The following TMEM245 variants were observed in gnomAD, a reference collection of about 807,000 sequenced individuals.
TMEM245 encodes the protein transmembrane protein 245.
Under a neutral mutation model 101.2 loss-of-function variants are expected in TMEM245, and 69 were observed. The ratio of observed to expected loss-of-function variants is 0.68; its 90% CI spans 0.56 to 0.83. TMEM245 has a LOEUF of 0.83. Ranked by LOEUF, TMEM245 falls within the 40% of genes least tolerant of loss-of-function variation. The pLI is 0.00. For missense variants in TMEM245, 1,075 were observed against 1,092.8 expected (o/e 0.98, Z 0.23); for synonymous variants, 537 against 449.8 (o/e 1.19, Z -2.45).
chr9:109,023,441 G>C (rs1252722742), intron 17 of TMEM245, among the ~76,000 whole-genome samples: 1 of 152,184 alleles, frequency 6.6e-6, no homozygotes. Flanking sequence ...TTCTGAAAAT[G>C]TTTAACATCC....
rs187896687 is a variant in TMEM245 at position 109,031,911 on chromosome 9, A to G, written c.2594+1396T>C. Among the ~76,000 whole-genome samples, 357 of 152,356 alleles carry G rather than the reference A, an allele frequency of 2.3e-3. 3 individuals carry two copies. Among genetic ancestry groups the G allele is most frequent in the African/African-American group, 8.2e-3 (343 of 41,590 alleles). On this transcript the variant is annotated intron_variant, in intron 17 of 17. Coordinates refer to ENST00000374586, the MANE Select transcript of TMEM245 (RefSeq NM_032012.4). Reference sequence around the variant, plus strand: ...TGTACTTACAAAATAACATGTTGCAACTCTATATTGGTGTCCCAAATAATT... The same window carrying G: ...TGTACTTACAAAATAACATGTTGCAGCTCTATATTGGTGTCCCAAATAATT...
chr9:109,108,356 T>G (rs1378598768), intron 2 of TMEM245, 97 bp downstream of exon 2: 11 of 542,418 alleles, frequency 2.0e-5, no homozygotes, highest in Non-Finnish European at 3.5e-5. Flanking sequence ...AAATGCAACA[T>G]ATGACACTAC....
At chr9:109,074,716 C>CA (rs1829443393) in intron 8 of TMEM245, among the ~76,000 whole-genome samples, 2 of 152,036 alleles carry the variant, frequency 1.3e-5, no homozygotes, top group African/African-American at 4.8e-5. Flanking sequence ...ATCACTAGGG[C>CA]AAGTCACATA....
chr9:109,025,451 G>A (rs1194800883), intron 17 of TMEM245, among the ~76,000 whole-genome samples: 2 of 152,180 alleles, frequency 1.3e-5, no homozygotes, highest in African/African-American at 4.8e-5. Context: ...TACAAAAACA[G>A]CCACAAGTTA....
chr9:109,047,492 C>T (rs547823669), intron 14 of TMEM245, among the ~76,000 whole-genome samples: 2 of 152,170 alleles, frequency 1.3e-5, no homozygotes, highest in Non-Finnish European at 2.9e-5. Flanking sequence ...CATGGTGTAA[C>T]AGAGTATGTG....
At chr9:109,081,965 A>C (rs1172305583) in intron 7 of TMEM245, among the ~76,000 whole-genome samples, 2 of 152,176 alleles carry the variant, frequency 1.3e-5, no homozygotes, top group African/African-American at 2.4e-5. Context: ...ACATTTCAAA[A>C]CTACATTTAA....
At chr9:109,059,544 T>C (rs1828944384) in intron 11 of TMEM245, among the ~76,000 whole-genome samples, 1 of 152,034 alleles carries the variant, frequency 6.6e-6, no homozygotes, top group African/African-American at 2.4e-5. Flanking sequence ...TCACCAGGCA[T>C]GGTGGCATGC....
chr9:109,055,856 A>T (rs1321159624), intron 12 of TMEM245, among the ~76,000 whole-genome samples: 1 of 151,884 alleles, frequency 6.6e-6, no homozygotes, highest in Non-Finnish European at 1.5e-5. Context: ...CTGATCTCAA[A>T]CTCCCAACCT....
intron 17 of TMEM245, among the ~76,000 whole-genome samples, chr9:109,021,089 G>A (rs568020944): frequency 6.6e-6 from 1 of 152,324 alleles, no homozygotes; most frequent in East Asian, 1.9e-4. Flanking sequence ...TTATTGGCGG[G>A]TAATATCTGG....
chr9:109,016,658 GTTTTTTTTTT>G lies in TMEM245; in HGVS notation c.*3792_*3801del, dbSNP rs60869717. The G allele has an allele frequency of 4.0e-5, 5 of 124,708 alleles. No homozygotes were observed. Among genetic ancestry groups the G allele is most frequent in the Middle Eastern group, 8.5e-3 (2 of 234 alleles). The allele number at this position is 124,708 out of a possible 1,614,324, so 7.7% of individuals were successfully genotyped here. On this transcript the variant is annotated 3_prime_UTR_variant, in exon 18 of 18. Transcript: ENST00000374586. ...AACAGTGGCTGCAGACAGCATGTGT[GTTTTTTTTTT>G]TTTTTTTTTTTGCAGGTTCCCAATA...
At chr9:109,030,345 G>A (rs1436581485) in intron 17 of TMEM245, among the ~76,000 whole-genome samples, 2 of 152,084 alleles carry the variant, frequency 1.3e-5, no homozygotes, top group East Asian at 1.9e-4. Context: ...GGGTCCTCAC[G>A]TTATCTTTTT....
intron 16 of TMEM245, among the ~76,000 whole-genome samples, chr9:109,033,752 GC>G (rs1828037782): frequency 6.6e-6 from 1 of 152,142 alleles, no homozygotes; most frequent in African/African-American, 2.4e-5. Context: ...AAAGAATAAA[GC>G]CAGCAATGTT....
intron 4 of TMEM245, among the ~76,000 whole-genome samples, chr9:109,092,518 A>T (rs989624248): frequency 6.6e-6 from 1 of 152,248 alleles, no homozygotes; most frequent in Non-Finnish European, 1.5e-5. Flanking sequence ...TGGAAACTTC[A>T]TGATGGTGGG....
chr9:109,059,731 C>T (rs1291093597), intron 11 of TMEM245, among the ~76,000 whole-genome samples: 3 of 151,710 alleles, frequency 2.0e-5, no homozygotes, highest in Non-Finnish European at 4.4e-5. Context: ...GATCTCTAAG[C>T]GTTTAGATTC....
chr9:109,093,438 C>G (rs758285023), intron 4 of TMEM245, 37 bp downstream of exon 4: 5 of 1,553,306 alleles, frequency 3.2e-6, no homozygotes, highest in Non-Finnish European at 3.5e-6. Flanking sequence ...ATTTCATTTT[C>G]CAGAATAACC....
intron 10 of TMEM245, among the ~76,000 whole-genome samples, chr9:109,062,589 T>C (rs557808881): frequency 1.2e-4 from 19 of 152,256 alleles, no homozygotes; most frequent in Non-Finnish European, 1.9e-4. Context: ...AACCAGTTAC[T>C]AGACATATTC....
intron 12 of TMEM245, 129 bp downstream of exon 12, chr9:109,057,062 T>A: frequency 9.9e-7 from 1 of 1,008,024 alleles, no homozygotes; most frequent in Non-Finnish European, 1.4e-6. Flanking sequence ...GCATTTAGAG[T>A]TCTCAAATAT....
At chr9:109,095,068 A>C (rs1290744156) in intron 3 of TMEM245, among the ~76,000 whole-genome samples, 2 of 152,134 alleles carry the variant, frequency 1.3e-5, no homozygotes, top group Non-Finnish European at 2.9e-5. Context: ...CCTCTAATAA[A>C]TGCCCCTGTG....
intron 12 of TMEM245, among the ~76,000 whole-genome samples, chr9:109,052,649 T>G (rs1828721096): frequency 6.6e-6 from 1 of 152,212 alleles, no homozygotes; most frequent in South Asian, 2.1e-4. Context: ...TGAAAATGCT[T>G]CACAATGCCT....
Sources: allele counts gnomAD v4.1 joint callset (sites outside exome capture counted in the v4.1 genomes callset), GRCh38; gene constraint gnomAD v4.1.1; transcripts MANE v1.5; gene names NCBI Gene and HGNC (gene_info 2026-07-23, HGNC 2026-07-21).